Variants in CAMK1D observed in about 807,000 individuals in gnomAD.
The protein encoded by CAMK1D is calcium/calmodulin dependent protein kinase ID.
CAMK1D carries 9 observed loss-of-function variants against 47.7 expected under a neutral mutation model. That is an observed-to-expected ratio of 0.19 (90% CI 0.11 to 0.33). The LOEUF (loss-of-function observed/expected upper bound fraction) is 0.33. CAMK1D is among the 10% of genes least tolerant of loss of function. The probability of loss-of-function intolerance (pLI) is 1.00; values close to 1 mark genes in which losing one functional copy is unlikely to be tolerated. For missense variants in CAMK1D, 291 were observed against 488.7 expected (o/e 0.60, Z 3.81); for synonymous variants, 184 against 184.9 (o/e 0.99, Z 0.04).
chr10:12,632,820 G>A (rs752853736), intron 2 of CAMK1D, among the ~76,000 whole-genome samples: 12 of 152,108 alleles, frequency 7.9e-5, no homozygotes, highest in South Asian at 4.2e-4. Flanking sequence ...TCAGCCTCCC[G>A]AGTTGCTAGG....
chr10:12,550,207 G>T (rs530577967), intron 1 of CAMK1D, among the ~76,000 whole-genome samples: 2 of 152,204 alleles, frequency 1.3e-5, no homozygotes, highest in Admixed American at 6.5e-5. Context: ...GACCATTGGG[G>T]TGTCATCAGC....
At chr10:12,473,835 A>G (rs1833821180) in intron 1 of CAMK1D, among the ~76,000 whole-genome samples, 2 of 152,204 alleles carry the variant, frequency 1.3e-5, no homozygotes, top group African/African-American at 2.4e-5. Flanking sequence ...TGAGAGACAC[A>G]TGGAGATTTG....
At chr10:12,361,545 CTTTTTT>C (rs36015215) in intron 1 of CAMK1D, among the ~76,000 whole-genome samples, 1 of 63,086 alleles carries the variant, frequency 1.6e-5, no homozygotes, top group African/African-American at 6.3e-5. Flanking sequence ...GTGCCTGGCC[CTTTTTT>C]TTTTTTTTTT....
At chr10:12,402,100 C>T (rs1482036443) in intron 1 of CAMK1D, among the ~76,000 whole-genome samples, 4 of 151,668 alleles carry the variant, frequency 2.6e-5, no homozygotes, top group African/African-American at 4.9e-5. Flanking sequence ...GATGGAGTCT[C>T]GCTCTGTCGC....
At chr10:12,447,661 C>T (rs1588495455) in intron 1 of CAMK1D, among the ~76,000 whole-genome samples, 1 of 152,100 alleles carries the variant, frequency 6.6e-6, no homozygotes, top group East Asian at 1.9e-4. Flanking sequence ...AAGATTGTGC[C>T]ACAGCATTCC....
At chr10:12,361,481 A>G (rs936765446) in intron 1 of CAMK1D, among the ~76,000 whole-genome samples, 2 of 144,218 alleles carry the variant, frequency 1.4e-5, no homozygotes, top group African/African-American at 5.2e-5. Flanking sequence ...TCCTGACCTT[A>G]TGATCTGCCT....
chr10:12,388,461 A>C (rs1838601805), intron 1 of CAMK1D, among the ~76,000 whole-genome samples: 1 of 152,172 alleles, frequency 6.6e-6, no homozygotes, highest in Admixed American at 6.5e-5. Context: ...TTTAGAGCAG[A>C]GGCAAAAACT....
intron 3 of CAMK1D, among the ~76,000 whole-genome samples, chr10:12,721,547 T>C (rs1482384910): frequency 6.6e-6 from 1 of 152,112 alleles, no homozygotes; most frequent in Non-Finnish European, 1.5e-5. Context: ...CATCCATCTA[T>C]CCATCCATCC....
intron 1 of CAMK1D, among the ~76,000 whole-genome samples, chr10:12,368,861 A>C (rs1326540885): frequency 6.6e-6 from 1 of 152,112 alleles, no homozygotes; most frequent in Non-Finnish European, 1.5e-5. Context: ...TCTGTCTCCC[A>C]GGCTGGGGTG....
At chr10:12,777,446 C>A (rs905530044) in intron 5 of CAMK1D, among the ~76,000 whole-genome samples, 15 of 142,600 alleles carry the variant, frequency 1.1e-4, no homozygotes, top group African/African-American at 3.9e-4. Context: ...GATCTCAGCT[C>A]ACTGCAACCT....
At chr10:12,535,534 T>C (rs1835942280) in intron 1 of CAMK1D, among the ~76,000 whole-genome samples, 1 of 152,146 alleles carries the variant, frequency 6.6e-6, no homozygotes, top group East Asian at 1.9e-4. Context: ...GTAAAGTTAT[T>C]AAAACTGTCT....
At chr10:12,703,063 C>A (rs1010598616) in intron 3 of CAMK1D, among the ~76,000 whole-genome samples, 1 of 152,166 alleles carries the variant, frequency 6.6e-6, no homozygotes, top group African/African-American at 2.4e-5. Flanking sequence ...CAAAGAAGTT[C>A]ATCTGATTGT....
intron 8 of CAMK1D, among the ~76,000 whole-genome samples, chr10:12,823,085 G>A (rs995528332): frequency 3.3e-5 from 5 of 152,172 alleles, no homozygotes; most frequent in African/African-American, 1.2e-4. Context: ...CCTGTTTGCA[G>A]TCCTGATGGG....
At chr10:12,413,548 G>T in intron 1 of CAMK1D, among the ~76,000 whole-genome samples, 1 of 151,036 alleles carries the variant, frequency 6.6e-6, no homozygotes, top group African/African-American at 2.4e-5. Flanking sequence ...TGAGTATGAT[G>T]GTGATAATGA....
At chr10:12,476,663 T>A (rs1473789258) in intron 1 of CAMK1D, among the ~76,000 whole-genome samples, 1 of 152,192 alleles carries the variant, frequency 6.6e-6, no homozygotes, top group East Asian at 1.9e-4. Flanking sequence ...CTGGTTTGTT[T>A]CGAAGGTGAC....
intron 5 of CAMK1D, among the ~76,000 whole-genome samples, chr10:12,778,497 T>C (rs948202509): frequency 6.6e-6 from 1 of 152,206 alleles, no homozygotes; most frequent in Non-Finnish European, 1.5e-5. Flanking sequence ...CTGGCTCTGC[T>C]AACACCAACA....
intron 2 of CAMK1D, among the ~76,000 whole-genome samples, chr10:12,636,006 T>C (rs915095335): frequency 2.6e-5 from 4 of 152,214 alleles, no homozygotes; most frequent in Non-Finnish European, 4.4e-5. Flanking sequence ...TTAAACACTT[T>C]CCAAACAGTC....
chr10:12,790,677 C>T (rs1588931797), intron 5 of CAMK1D, among the ~76,000 whole-genome samples: 2 of 151,816 alleles, frequency 1.3e-5, no homozygotes, highest in East Asian at 1.9e-4. Context: ...TATACTGTAG[C>T]GTCTTCATAT....
intron 2 of CAMK1D, among the ~76,000 whole-genome samples, chr10:12,621,166 A>C (rs953670021): frequency 6.6e-6 from 1 of 152,190 alleles, no homozygotes; most frequent in Non-Finnish European, 1.5e-5. Context: ...TATCCCCCTA[A>C]CAGTACCACA....
Sources: gnomAD v4.1 joint callset for allele counts (sites outside exome capture counted in the v4.1 genomes callset) on GRCh38, gnomAD v4.1.1 for gene constraint, MANE v1.5 for transcripts, NCBI Gene and HGNC (gene_info 2026-07-23, HGNC 2026-07-21) for gene names.